ZNF609: variants seen among roughly 807,000 people sequenced by gnomAD.
The protein encoded by ZNF609 is zinc finger protein 609.
In ZNF609, 11 loss-of-function variants were observed where a neutral mutation model predicts 109.5. That is an observed-to-expected ratio of 0.10 (90% CI 0.06 to 0.17). The LOEUF is 0.17. Ranked by LOEUF, ZNF609 falls within the 10% of genes least tolerant of loss-of-function variation. ZNF609 has a pLI of 1.00. For synonymous variants in ZNF609, 646 were observed against 662.0 expected, an observed-to-expected ratio of 0.98 and a Z score of 0.37; for missense variants, 1,559 against 1,772.4, an observed-to-expected ratio of 0.88 and a Z score of 2.16.
intron 1 of ZNF609, among the ~76,000 whole-genome samples, chr15:64,477,790 A>G (rs1596377328): frequency 6.6e-6 from 1 of 151,922 alleles, no homozygotes; most frequent in Admixed American, 6.6e-5. Context: ...CACCGCGCCC[A>G]GCTAATTGTT....
At chr15:64,643,516 GT>G (rs1896291324) in intron 3 of ZNF609, among the ~76,000 whole-genome samples, 1 of 152,064 alleles carries the variant, frequency 6.6e-6, no homozygotes, top group African/African-American at 2.4e-5. Flanking sequence ...CCATTAACAG[GT>G]TTTTGATCAT....
At chr15:64,625,936 TAGAGAGAGAGAGAG>T (rs36226491) in intron 3 of ZNF609, among the ~76,000 whole-genome samples, 21,430 of 79,338 alleles carry the variant, frequency 0.27, 2,929 homozygotes, top group East Asian at 0.48. Context: ...TATATATATA[TAGAGAGAGAGAGAG>T]AGAGAGAGAG....
At chr15:64,499,137 A>G (rs896107399) in intron 1 of ZNF609, among the ~76,000 whole-genome samples, 156 bp from the exon 2 acceptor site, 2 of 152,202 alleles carry the variant, frequency 1.3e-5, no homozygotes, top group Admixed American at 6.5e-5. Context: ...CTTAGGTCCA[A>G]TGTAACTTGG....
intron 1 of ZNF609, among the ~76,000 whole-genome samples, chr15:64,465,427 G>A (rs190122151): frequency 5.9e-5 from 9 of 152,210 alleles, no homozygotes; most frequent in African/African-American, 9.6e-5. Context: ...TGTGGCCCAG[G>A]CTGGAGTGTA....
chr15:64,540,723 G>A (rs961488539), intron 2 of ZNF609, among the ~76,000 whole-genome samples: 9 of 150,444 alleles, frequency 6.0e-5, no homozygotes, highest in African/African-American at 2.2e-4. Flanking sequence ...TTTTTAAAAT[G>A]TAGATTAAAA....
chr15:64,527,987 G>T (rs2140369336), intron 2 of ZNF609, among the ~76,000 whole-genome samples: 1 of 152,238 alleles, frequency 6.6e-6, no homozygotes, highest in East Asian at 1.9e-4. Flanking sequence ...TTAGCCAGTT[G>T]CTCAGACTTC....
chr15:64,578,006 A>C (rs1406352261), intron 2 of ZNF609, among the ~76,000 whole-genome samples: 2 of 151,718 alleles, frequency 1.3e-5, no homozygotes, highest in Non-Finnish European at 2.9e-5. Context: ...GCAAGAAAAC[A>C]GAAAAAATAA....
At chr15:64,492,733 G>A (rs903988938) in intron 1 of ZNF609, among the ~76,000 whole-genome samples, 14 of 152,128 alleles carry the variant, frequency 9.2e-5, no homozygotes, top group Non-Finnish European at 1.3e-4. Context: ...TGCTTAGAAT[G>A]TGATAGACTC....
intron 2 of ZNF609, among the ~76,000 whole-genome samples, chr15:64,616,235 C>T (rs1346654555): frequency 6.6e-6 from 1 of 152,098 alleles, no homozygotes; most frequent in African/African-American, 2.4e-5. Context: ...CTCAAGCAAT[C>T]CTCCCGCCTT....
chr15:64,675,497 C>G lies in ZNF609; in HGVS notation c.2643C>G (p.Pro881=), dbSNP rs757798803. The G allele has an allele frequency of 8.1e-6, 13 of 1,614,076 alleles. No homozygotes were observed. The East Asian group carries it at 1.3e-4, about 17-fold the overall frequency. The change falls in exon 5 of 10, where the codon CCC becomes CCG. Residue 881 remains proline, a synonymous_variant. Coordinates refer to ENST00000326648, the MANE Select transcript of ZNF609 (RefSeq NM_015042.2). ...VKEGAKKTLF[P]PQPQSKDSPY... is the part of the protein sequence containing the mutation. ...AAGGGGCTAAGAAAACTCTTTTTCC[C>G]CCTCAGCCTCAGAGCAAAGACTCAC...
chr15:64,634,549 T>TC, intron 3 of ZNF609, among the ~76,000 whole-genome samples: 1 of 152,326 alleles, frequency 6.6e-6, no homozygotes, highest in South Asian at 2.1e-4. Flanking sequence ...AAATATCTAA[T>TC]TTTAGATATT....
chr15:64,513,386 T>C (rs1893761436), intron 2 of ZNF609, among the ~76,000 whole-genome samples: 1 of 152,356 alleles, frequency 6.6e-6, no homozygotes, highest in African/African-American at 2.4e-5. Context: ...ATTGAGAATG[T>C]AGGGATTTGA....
At chr15:64,625,504 A>G (rs1055069489) in intron 3 of ZNF609, among the ~76,000 whole-genome samples, 5 of 152,128 alleles carry the variant, frequency 3.3e-5, no homozygotes, top group African/African-American at 1.2e-4. Context: ...CAGGCAACAG[A>G]GCAAGGCTGT....
chr15:64,607,568 G>A lies in ZNF609; in HGVS notation c.748-15259G>A, dbSNP rs182144150. On this transcript the variant is annotated intron_variant, in intron 2 of 9. Coordinates refer to ENST00000326648, the MANE Select transcript of ZNF609 (RefSeq NM_015042.2). The stretch of plus-strand genomic sequence containing the variant: ...TGCCCAGGCTGGGGTGCAGTGGCGC[G>A]ATCTTGGCTCACTGCAACCTCCGCC... Among the ~76,000 whole-genome samples, 482 of 148,674 alleles carry A rather than the reference G, an allele frequency of 3.2e-3. 1 individual carries two copies. The highest frequency in any genetic ancestry group is 0.011 in the African/African-American group (448 of 40,348).
In ZNF609 at chr15:64,585,960, C is replaced by T. The variant is rs4777457; in HGVS notation, c.748-36867C>T. 8.9e-3 allele frequency among the ~76,000 whole-genome samples: 1,355 copies of T among 152,264 alleles called. 8 individuals are homozygous for T. Among genetic ancestry groups the T allele is most frequent in the Middle Eastern group, 0.024 (7 of 294 alleles). On this transcript the variant is annotated intron_variant, in intron 2 of 9. Transcript: ENST00000326648. Reference sequence around the variant, plus strand: ...TTCCAAGCTTAGGTGATCTTCCCACCTCAGCCTCCCGAGTAGCAGGGACCA... The same window carrying T: ...TTCCAAGCTTAGGTGATCTTCCCACTTCAGCCTCCCGAGTAGCAGGGACCA...
intron 1 of ZNF609, among the ~76,000 whole-genome samples, chr15:64,466,116 CAAAAAAAAAAAAA>C (rs749648623): frequency 2.4e-5 from 2 of 81,884 alleles, no homozygotes; most frequent in Non-Finnish European, 4.4e-5. Context: ...AACCCTGTCT[CAAAAAAAAAAAAA>C]AAAAAAAAAA....
chr15:64,585,415 G>T (rs1895179979), intron 2 of ZNF609, among the ~76,000 whole-genome samples: 1 of 152,150 alleles, frequency 6.6e-6, no homozygotes, highest in South Asian at 2.1e-4. Flanking sequence ...ATGGTCTTAT[G>T]CTGAGGGTAG....
At position 64,488,822 on chromosome 15, in the gene ZNF609, C is replaced by G. The variant is rs376907909; in HGVS notation, c.-127-10471C>G. On this transcript the variant is annotated intron_variant, in intron 1 of 9. Coordinates refer to ENST00000326648, the MANE Select transcript of ZNF609 (RefSeq NM_015042.2). ...TGAAGAACTAGGCGTGATGTAATTC[C>G]AGCACTTTGGGAGGCCAAGGTGAGA... Among the ~76,000 whole-genome samples, 21 of 151,770 alleles carry G rather than the reference C, an allele frequency of 1.4e-4. No individual in the cohort carries two copies. The East Asian group carries it at 3.9e-3, about 28-fold the overall frequency.
At chr15:64,543,087 C>T (rs1475397930) in intron 2 of ZNF609, among the ~76,000 whole-genome samples, 3 of 152,040 alleles carry the variant, frequency 2.0e-5, no homozygotes. Flanking sequence ...TGCAGCAAAC[C>T]ACCGTGGGAC....
Sources: allele counts gnomAD v4.1 joint callset (sites outside exome capture counted in the v4.1 genomes callset), GRCh38; gene constraint gnomAD v4.1.1; transcripts MANE v1.5; gene names NCBI Gene and HGNC (gene_info 2026-07-23, HGNC 2026-07-21).